Variants in TRIM26 observed in about 807,000 individuals in gnomAD.
The protein encoded by TRIM26 is tripartite motif containing 26.
In TRIM26, 16 loss-of-function variants were observed where a neutral mutation model predicts 45.5. The ratio of observed to expected loss-of-function variants is 0.35; its 90% CI spans 0.24 to 0.53. TRIM26 has a LOEUF of 0.53. Among genes scored for constraint, TRIM26 ranks in the 20% least tolerant of loss-of-function variants. The pLI is 0.92. For synonymous variants in TRIM26, 273 were observed against 290.4 expected, an observed-to-expected ratio of 0.94 and a Z score of 0.61; for missense variants, 442 against 691.1, an observed-to-expected ratio of 0.64 and a Z score of 4.04.
Position 30,198,442 on chromosome 6 carries a change from A to G in TRIM26, c.521T>C (p.Ile174Thr). 4 of 1,613,094 alleles carry G rather than the reference A, an allele frequency of 2.5e-6. No individual in the cohort carries two copies. The highest frequency in any genetic ancestry group is 3.4e-6 in the Non-Finnish European group (4 of 1,180,038). Residue 174 changes from isoleucine to threonine, a missense_variant, in exon 5 of 10, where the codon ATC (isoleucine) becomes ACC (threonine). By Grantham distance (89) the Ile-to-Thr change is moderately conservative. Coordinates refer to ENST00000454678, the MANE Select transcript of TRIM26 (RefSeq NM_003449.5). This position sits in a 1 kb window ranked among gnomAD's most constrained non-coding sequence, Gnocchi z 6.3. ...QGFQAKGEAD[I>T]LAALKKLQDQ... is the part of the protein sequence containing the mutation. ...AGCCTCACTTACCAGCGCGGCCAGG[A>G]TATCAGCTTCTCCCTTTGCCTGGAA...
At position 30,190,606 on chromosome 6, in the gene TRIM26, C is replaced by T. The variant is rs140315013; in HGVS notation, c.766-571G>A. 5.9e-5 allele frequency among the ~76,000 whole-genome samples: 9 copies of T among 152,288 alleles called. No homozygotes were observed. The highest frequency in any genetic ancestry group is 9.6e-5 in the African/African-American group (4 of 41,548). On this transcript the variant is annotated intron_variant, in intron 6 of 9. Transcript: ENST00000454678. The surrounding 1 kb of genome is among the most constrained non-coding windows in gnomAD (Gnocchi z 4.3). ...AAGACTACATTTTCCAGATCCCCTACGACAAGGTCTGGTCATGAGACTAAG... is the reference window on the plus strand; with the variant it reads ...AAGACTACATTTTCCAGATCCCCTATGACAAGGTCTGGTCATGAGACTAAG...
chr6:30,193,394 C>T (rs1431373611), intron 6 of TRIM26, among the ~76,000 whole-genome samples: 1 of 150,840 alleles, frequency 6.6e-6, no homozygotes, highest in African/African-American at 2.4e-5. Context: ...GTTGGTCAGG[C>T]TGGTCTCAAA....
In TRIM26 at chr6:30,198,490, C is replaced by T; in HGVS notation, c.473G>A (p.Arg158Lys). 6.2e-7 allele frequency: 1 copy of T among 1,613,110 alleles called. No homozygotes were observed. Among genetic ancestry groups the T allele is most frequent in the African/African-American group, 1.3e-5 (1 of 75,050 alleles). ...GAAGCCCTGAATTTTGTCTCTGTCC[C>T]TCCTTAGGGTACTCAGGTGGTTCAG... The part of the protein sequence containing the change: ...KILNHLSTLR[R>K]DRDKIQGFQA... The change falls in exon 5 of 10, where the codon AGG becomes AAG. Residue 158 changes from arginine (R) to lysine (K), a missense_variant. Physicochemically the swap from Arg to Lys is conservative, Grantham distance 26. Coordinates refer to ENST00000454678, the MANE Select transcript of TRIM26 (RefSeq NM_003449.5). The surrounding 1 kb of genome is among the most constrained non-coding windows in gnomAD (Gnocchi z 6.3).
At position 30,198,565 on chromosome 6, in the gene TRIM26, G is replaced by C. The variant is rs1471899675; in HGVS notation, c.439-41C>G. ...CAGTGGCAACAGGTGGATGCTCTGGGCTGGGGCAGGAAGGGAGACTCAGGC... is the reference window on the plus strand; with the variant it reads ...CAGTGGCAACAGGTGGATGCTCTGGCCTGGGGCAGGAAGGGAGACTCAGGC... On this transcript the variant is annotated intron_variant, in intron 4 of 9. Coordinates refer to ENST00000454678, the MANE Select transcript of TRIM26 (RefSeq NM_003449.5). The surrounding 1 kb of genome is among the most constrained non-coding windows in gnomAD (Gnocchi z 6.3). 1 of 1,612,198 alleles carries C rather than the reference G, an allele frequency of 6.2e-7. No individual in the cohort carries two copies. The highest frequency in any genetic ancestry group is 1.1e-5 in the South Asian group (1 of 91,066).
chr6:30,203,520 A>G lies in TRIM26; in HGVS notation c.-266+1136T>C, dbSNP rs570744393. ...AACCTTCGCTTGCCAGGTTCAAGCG[A>G]TTCTCCTGCCTCAGCCTCCCTAGTA... On this transcript the variant is annotated intron_variant, in intron 2 of 9. Transcript: ENST00000454678. 1.6e-4 allele frequency among the ~76,000 whole-genome samples: 25 copies of G among 152,092 alleles called. 1 individual carries two copies. The East Asian group carries it at 4.8e-3, about 29-fold the overall frequency.
At chr6:30,203,032 T>A (rs1467164372) in intron 2 of TRIM26, among the ~76,000 whole-genome samples, 1 of 149,812 alleles carries the variant, frequency 6.7e-6, no homozygotes, top group Non-Finnish European at 1.5e-5. Flanking sequence ...ATTAAAAAAT[T>A]ATTTCCTCTC....
chr6:30,201,321 A>C (rs1777145426), intron 2 of TRIM26, among the ~76,000 whole-genome samples, 183 bp from the exon 3 acceptor site: 1 of 152,234 alleles, frequency 6.6e-6, no homozygotes, highest in Non-Finnish European at 1.5e-5. Context: ...TAGTACAATA[A>C]TACATAAAAA....
rs111756197 is a variant in TRIM26, at chr6:30,193,997, A to G, written c.765+2519T>C. 6.4e-3 allele frequency among the ~76,000 whole-genome samples: 975 copies of G among 152,352 alleles called. 5 individuals carry two copies. Among genetic ancestry groups the G allele is most frequent in the South Asian group, 0.03 (143 of 4,834 alleles). On this transcript the variant is annotated intron_variant, in intron 6 of 9. Transcript: ENST00000454678. ...GTGGGGCCTTTAGGTTTTTCTACAT[A>G]TAAGTATAGCCGTTACGGAAAACAG...
At chr6:30,206,415 C>T (rs1205416507) in intron 1 of TRIM26, among the ~76,000 whole-genome samples, 1 of 152,184 alleles carries the variant, frequency 6.6e-6, no homozygotes. Flanking sequence ...GCTCTGAACG[C>T]TAGAAATCCC....
At chr6:30,193,160 G>A (rs9261551) in intron 6 of TRIM26, among the ~76,000 whole-genome samples, 12,450 of 31,344 alleles carry the variant, frequency 0.4, 2,150 homozygotes, top group South Asian at 0.53. Flanking sequence ...GTGTGTGTGT[G>A]TGTATATATA....
intron 9 of TRIM26, chr6:30,188,230 A>C: frequency 4.8e-6 from 1 of 209,022 alleles, no homozygotes; most frequent in Non-Finnish European, 1.0e-5. Context: ...AAAAAAAAAA[A>C]AAAAAAAAAA....
chr6:30,196,609 G>A lies in TRIM26; in HGVS notation c.672C>T (p.Phe224=). 6.2e-7 allele frequency: 1 copy of A among 1,613,918 alleles called. No homozygotes were observed. Among genetic ancestry groups the A allele is most frequent in the East Asian group, 2.2e-5 (1 of 44,884 alleles). ...EQELTEGREK[F]KSRGVGELAR... is the part of the protein sequence containing the mutation. The stretch of plus-strand genomic sequence containing the variant: ...CAAGCTCCCCGACGCCCCGGCTCTT[G>A]AACTTCTCCCTGCCCTCCGTGAGCT... The change falls in exon 6 of 10, where the codon TTC becomes TTT. Residue 224 remains phenylalanine (F), a synonymous_variant. Coordinates refer to ENST00000454678, the MANE Select transcript of TRIM26 (RefSeq NM_003449.5). This position sits in a 1 kb window ranked among gnomAD's most constrained non-coding sequence, Gnocchi z 4.9.
intron 6 of TRIM26, among the ~76,000 whole-genome samples, chr6:30,192,683 T>G (rs1382147318): frequency 6.6e-6 from 1 of 152,158 alleles, no homozygotes; most frequent in East Asian, 1.9e-4. Context: ...CAGCCTCACC[T>G]GTATTTCTCT....
Position 30,196,447 on chromosome 6 carries a change from G to A in TRIM26, c.765+69C>T. 1 of 1,496,492 alleles carries A rather than the reference G, an allele frequency of 6.7e-7. No individual in the cohort carries two copies. Among genetic ancestry groups the A allele is most frequent in the Non-Finnish European group, 9.1e-7 (1 of 1,100,300 alleles). The allele number at this position is 1,496,492 out of a possible 1,614,324, so 92.7% of individuals were successfully genotyped here. On this transcript the variant is annotated intron_variant, in intron 6 of 9. Coordinates refer to ENST00000454678, the MANE Select transcript of TRIM26 (RefSeq NM_003449.5). This position sits in a 1 kb window ranked among gnomAD's most constrained non-coding sequence, Gnocchi z 4.9. ...GAGCCCCCAAGTCTTCTAAGGTCCT[G>A]CAAGTGAATGGCAGGGCTGGGACCC...
intron 6 of TRIM26, among the ~76,000 whole-genome samples, chr6:30,193,098 A>ATATATATATG (rs1776039134): frequency 1.6e-5 from 2 of 126,700 alleles, no homozygotes; most frequent in African/African-American, 6.2e-5. Context: ...ATATATATGT[A>ATATATATATG]TCTATATACA....
At position 30,197,878 on chromosome 6, in the gene TRIM26, C is replaced by T. The variant is rs556283050; in HGVS notation, c.534+551G>A. On this transcript the variant is annotated intron_variant, in intron 5 of 9. Transcript: ENST00000454678. Reference sequence around the variant, plus strand: ...CTGATCCATGGTTGGGTAAATTCGCCGCTACGGAACCCACAGATATGGAGG... The same window carrying T: ...CTGATCCATGGTTGGGTAAATTCGCTGCTACGGAACCCACAGATATGGAGG... 9.9e-5 allele frequency among the ~76,000 whole-genome samples: 15 copies of T among 152,258 alleles called. No individual in the cohort carries two copies. In the East Asian group the frequency reaches 1.9e-3, roughly 20 times the overall value.
In TRIM26 at chr6:30,189,386, C is replaced by T; in HGVS notation, c.904+32G>A. The T allele has an allele frequency of 6.2e-7, 1 of 1,607,690 alleles. No homozygotes were observed. The highest frequency in any genetic ancestry group is 2.2e-5 in the East Asian group (1 of 44,844). Reference sequence around the variant, plus strand: ...TTTCTACGAGGTAGCCCTGCTCTGACTCCCACCCTTTGTGCGCTCCCCAAC... The same window carrying T: ...TTTCTACGAGGTAGCCCTGCTCTGATTCCCACCCTTTGTGCGCTCCCCAAC... On this transcript the variant is annotated intron_variant, in intron 8 of 9. Transcript: ENST00000454678. The surrounding 1 kb of genome is among the most constrained non-coding windows in gnomAD (Gnocchi z 5.0).
chr6:30,195,549 C>T (rs545377400), intron 6 of TRIM26, among the ~76,000 whole-genome samples: 1 of 152,298 alleles, frequency 6.6e-6, no homozygotes, highest in South Asian at 2.1e-4. Flanking sequence ...CCTGCCAGTC[C>T]TCATTCTGTA....
intron 2 of TRIM26, among the ~76,000 whole-genome samples, chr6:30,204,104 C>T (rs4476873): frequency 0.88 from 133,336 of 152,200 alleles, 58,526 homozygotes; most frequent in East Asian, 0.94. Context: ...CTGCCATAAC[C>T]AGATAAATGA....
Sources: gnomAD v4.1 joint callset for allele counts (sites outside exome capture counted in the v4.1 genomes callset) on GRCh38, gnomAD v4.1.1 for gene constraint, Gnocchi (gnomAD v3.1) non-coding constraint, MANE v1.5 for transcripts, NCBI Gene and HGNC (gene_info 2026-07-23, HGNC 2026-07-21) for gene names.